FBXL13: variants seen among roughly 807,000 people sequenced by gnomAD.
FBXL13 encodes the protein F-box and leucine rich repeat protein 13, also known as F-box and leucine-rich repeat protein 13.
In FBXL13, 67 loss-of-function variants were observed where a neutral mutation model predicts 83.6. The observed-to-expected ratio is 0.80, with a 90% CI of 0.66 to 0.98. The LOEUF (loss-of-function observed/expected upper bound fraction) is 0.98. FBXL13 is among the 50% of genes least tolerant of loss of function. FBXL13 has a pLI of 0.00. For missense variants in FBXL13, 822 were observed against 866.5 expected (o/e 0.95, Z 0.64); for synonymous variants, 272 against 299.5 (o/e 0.91, Z 0.95).
intron 17 of FBXL13, among the ~76,000 whole-genome samples, chr7:102,835,870 A>G (rs1208769944): frequency 1.3e-5 from 2 of 152,002 alleles, no homozygotes; most frequent in Admixed American, 6.6e-5. Flanking sequence ...CGGCCTCCCA[A>G]AGTGCTGGGA....
At chr7:102,813,254 T>G in exon 20 of FBXL13, 2 of 1,203,774 alleles carry the variant, frequency 1.7e-6, no homozygotes, top group Non-Finnish European at 2.3e-6. Flanking sequence ...ACATTGTTAT[T>G]GAGATTCAGC....
In FBXL13 at chr7:102,877,815, G is replaced by A. The variant is rs138863257; in HGVS notation, c.1509-222C>T. On this transcript the variant is annotated intron_variant, in intron 15 of 19. Transcript: ENST00000313221. ...GACTTTCTTTCTGTAATTTAGTTTC[G>A]TATTACAATTTCTAATAAGGAAAAA... Among the ~76,000 whole-genome samples, 443 of 152,130 alleles carry A rather than the reference G, an allele frequency of 2.9e-3. 2 individuals carry two copies. The highest frequency in any genetic ancestry group is 5.1e-3 in the Non-Finnish European group (346 of 67,970).
intron 11 of FBXL13, among the ~76,000 whole-genome samples, chr7:102,898,098 A>G (rs748629881): frequency 6.6e-5 from 10 of 152,162 alleles, no homozygotes; most frequent in Non-Finnish European, 1.5e-4. Context: ...GGCACAACCA[A>G]TTTGTAAAAC....
At chr7:102,832,359 C>T (rs1800852967) in intron 18 of FBXL13, among the ~76,000 whole-genome samples, 1 of 152,156 alleles carries the variant, frequency 6.6e-6, no homozygotes, top group African/African-American at 2.4e-5. Context: ...TCCACTAAGG[C>T]CCTAGCTCAA....
intron 2 of FBXL13, among the ~76,000 whole-genome samples, chr7:103,049,211 T>G (rs1449581998): frequency 6.6e-6 from 1 of 152,100 alleles, no homozygotes; most frequent in Non-Finnish European, 1.5e-5. Context: ...ATTCCACATA[T>G]CCCCAGGACT....
At chr7:102,811,563 A>G (rs899631924), downstream of FBXL13, among the ~76,000 whole-genome samples, 1 of 152,228 alleles carries the variant, frequency 6.6e-6, no homozygotes, top group African/African-American at 2.4e-5. Context: ...CAAGCTCTGA[A>G]TGTAAAGCAA....
chr7:102,930,846 AT>A (rs955542481), intron 9 of FBXL13, among the ~76,000 whole-genome samples: 4 of 152,216 alleles, frequency 2.6e-5, no homozygotes, highest in Non-Finnish European at 5.9e-5. Context: ...ATTCTAGTCA[AT>A]GTTGTCCATT....
At chr7:103,042,092 A>T (rs1180380985) in intron 2 of FBXL13, among the ~76,000 whole-genome samples, 1 of 152,172 alleles carries the variant, frequency 6.6e-6, no homozygotes, top group African/African-American at 2.4e-5. Context: ...TCAGCCCAAA[A>T]TCTCCTTAAG....
At chr7:102,956,922 A>T (rs954289981) in intron 8 of FBXL13, among the ~76,000 whole-genome samples, 1 of 152,204 alleles carries the variant, frequency 6.6e-6, no homozygotes, top group Admixed American at 6.5e-5. Flanking sequence ...ATGCTCATCG[A>T]TAAGAACAAT....
At chr7:102,921,822 A>G (rs1364546846) in intron 10 of FBXL13, among the ~76,000 whole-genome samples, 3 of 152,228 alleles carry the variant, frequency 2.0e-5, no homozygotes, top group Non-Finnish European at 2.9e-5. Context: ...TTTCTTGACT[A>G]GAGTGCCTAA....
chr7:103,011,115 C>G (rs749837993), intron 6 of FBXL13, among the ~76,000 whole-genome samples: 2 of 152,220 alleles, frequency 1.3e-5, no homozygotes, highest in Non-Finnish European at 2.9e-5. Context: ...TGCAAGAACT[C>G]TGGCAATTCA....
intron 8 of FBXL13, among the ~76,000 whole-genome samples, chr7:102,961,883 C>A (rs1294310461): frequency 4.8e-5 from 7 of 147,266 alleles, no homozygotes; most frequent in African/African-American, 1.3e-4. Flanking sequence ...CATAAAAACC[C>A]TAGAAGAAAA....
chr7:102,904,625 C>T lies in FBXL13; in HGVS notation c.1008+8461G>A, dbSNP rs116806973. The stretch of plus-strand genomic sequence containing the variant: ...CATTTCAGTTTCATTTACTTCTCCT[C>T]TGATCTTTATTTCTTTTCTTCTAAT... On this transcript the variant is annotated intron_variant, in intron 11 of 19. Transcript: ENST00000313221. 3.7e-3 allele frequency among the ~76,000 whole-genome samples: 568 copies of T among 152,018 alleles called. 5 individuals are homozygous for T. The highest frequency in any genetic ancestry group is 0.014 in the African/African-American group (561 of 41,508).
At chr7:103,043,519 T>C (rs868277990) in intron 2 of FBXL13, among the ~76,000 whole-genome samples, 4 of 152,192 alleles carry the variant, frequency 2.6e-5, no homozygotes, top group Non-Finnish European at 4.4e-5. Flanking sequence ...TAAAGACACA[T>C]GCACACGTAT....
chr7:102,878,442 T>C (rs1449521789), exon 15 of FBXL13: 2 of 1,592,914 alleles, frequency 1.3e-6, no homozygotes, highest in African/African-American at 2.7e-5. Flanking sequence ...TAGTCCCATA[T>C]CACCAATTCT....
At chr7:102,920,821 C>A (rs1816819483) in intron 10 of FBXL13, among the ~76,000 whole-genome samples, 1 of 152,062 alleles carries the variant, frequency 6.6e-6, no homozygotes, top group Non-Finnish European at 1.5e-5. Flanking sequence ...ACAAAAAGAA[C>A]AAGCAAAAGA....
intron 2 of FBXL13, chr7:103,046,891 G>A (rs1319461045): frequency 1.3e-5 from 2 of 152,186 alleles, no homozygotes; most frequent in African/African-American, 4.8e-5. Flanking sequence ...AAAGTTCAAG[G>A]TTCCAAAGTT....
chr7:102,973,831 C>A (rs1827083053), intron 6 of FBXL13: 1 of 707,800 alleles, frequency 1.4e-6, no homozygotes, highest in Non-Finnish European at 2.6e-6. Flanking sequence ...CTTGGTTTCT[C>A]CAGTCTGAAA....
chr7:103,011,770 A>G (rs931723664), intron 6 of FBXL13, among the ~76,000 whole-genome samples: 1 of 152,178 alleles, frequency 6.6e-6, no homozygotes, highest in South Asian at 2.1e-4. Context: ...TGGCTCTCCT[A>G]AATAATTCAG....
Sources: allele counts gnomAD v4.1 joint callset (sites outside exome capture counted in the v4.1 genomes callset), GRCh38; gene constraint gnomAD v4.1.1; transcripts MANE v1.5; gene names NCBI Gene and HGNC (gene_info 2026-07-23, HGNC 2026-07-21).